The following BEND4 variants were observed in gnomAD, a reference collection of about 807,000 sequenced individuals.
BEND4 encodes the protein BEN domain containing 4.
A neutral mutation model predicts 54.7 loss-of-function variants in BEND4; 27 were observed. The observed-to-expected ratio is 0.49, with a 90% confidence interval of 0.36 to 0.68. BEND4 has a LOEUF of 0.68. Among genes scored for constraint, BEND4 ranks in the 30% least tolerant of loss-of-function variants. The pLI is 0.00. For missense variants in BEND4, 702 were observed against 697.2 expected (o/e 1.01, Z -0.08); for synonymous variants, 327 against 299.5 (o/e 1.09, Z -0.95).
Position 42,143,680 on chromosome 4 carries a change from A to T in BEND4, c.802T>A (p.Ser268Thr), listed in dbSNP as rs754276586. Reference protein sequence around the residue: ...LSGSFPTPNPSSASEYGHLAD... With the variant: ...LSGSFPTPNPTSASEYGHLAD... ...AGATGGCCATATTCACTGGCTGACG[A>T]GGGGTTTGGAGTTGGAAAGCTTCCC... Residue 268 changes from serine (S) to threonine (T), a missense_variant, in exon 3 of 6, where the codon TCG becomes ACG. By Grantham distance (58) the Ser-to-Thr change is moderately conservative. Transcript: ENST00000502486. 1.9e-6 allele frequency: 3 copies of T among 1,613,976 alleles called. No individual in the cohort carries two copies. The highest frequency in any genetic ancestry group is 2.5e-6 in the Non-Finnish European group (3 of 1,179,886).
intron 3 of BEND4, 42 bp from the exon 4 acceptor site, chr4:42,125,716 G>GGA: frequency 7.9e-7 from 1 of 1,267,832 alleles, no homozygotes; most frequent in Non-Finnish European, 1.1e-6. Flanking sequence ...TGGCTATCCC[G>GGA]TAACATGAAA....
intron 3 of BEND4, among the ~76,000 whole-genome samples, chr4:42,139,168 T>G (rs1720798895): frequency 6.6e-6 from 1 of 152,204 alleles, no homozygotes; most frequent in Admixed American, 6.5e-5. Context: ...GGTTTTTGCT[T>G]ATAAAATTTC....
intron 3 of BEND4, among the ~76,000 whole-genome samples, chr4:42,138,026 A>G (rs2153146615): frequency 6.6e-6 from 1 of 152,294 alleles, no homozygotes; most frequent in South Asian, 2.1e-4. Flanking sequence ...ATTATGGAAA[A>G]CAGTATTGGA....
chr4:42,126,667 A>G (rs1560577067), intron 3 of BEND4, among the ~76,000 whole-genome samples: 1 of 152,228 alleles, frequency 6.6e-6, no homozygotes, highest in Non-Finnish European at 1.5e-5. Flanking sequence ...CTACATCTGA[A>G]GATTTACATT....
chr4:42,146,557 A>G lies in BEND4; in HGVS notation c.488-2563T>C, dbSNP rs556324521. Reference sequence around the variant, plus strand: ...ATAAGAAAGCCAACAGCTGAACTATACAAGTAAGAGGTTTAAGATGCTACA... The same window carrying G: ...ATAAGAAAGCCAACAGCTGAACTATGCAAGTAAGAGGTTTAAGATGCTACA... On this transcript the variant is annotated intron_variant, in intron 2 of 5. Coordinates refer to ENST00000502486, the MANE Select transcript of BEND4 (RefSeq NM_207406.4). Among the ~76,000 whole-genome samples the G allele has an allele frequency of 1.5e-3, 230 of 152,214 alleles. 4 individuals are homozygous for G. The highest frequency in any genetic ancestry group is 5.4e-3 in the African/African-American group (222 of 41,494).
intron 4 of BEND4, among the ~76,000 whole-genome samples, chr4:42,125,309 C>T (rs1292154245): frequency 6.6e-6 from 1 of 152,190 alleles, no homozygotes; most frequent in African/African-American, 2.4e-5. Context: ...TCATTCCAGG[C>T]ATCTCTGTGC....
In BEND4 at chr4:42,151,684, C is replaced by A. The variant is rs1721291388; in HGVS notation, c.460G>T (p.Asp154Tyr). 2.7e-6 allele frequency: 4 copies of A among 1,505,482 alleles called. No homozygotes were observed. In the South Asian group the frequency reaches 5.0e-5, roughly 19 times the overall value. 93.3% of individuals were successfully genotyped at this position (1,505,482 alleles called of 1,614,324 possible). The change falls in exon 2 of 6, where the codon GAC (aspartate) becomes TAC (tyrosine). Residue 154 changes from aspartate (D) to tyrosine (Y), a missense_variant. Physicochemically the swap from Asp to Tyr is radical, Grantham distance 160. Coordinates refer to ENST00000502486, the MANE Select transcript of BEND4 (RefSeq NM_207406.4). ...AAAGTGGTGSDSASLELSAES... is the reference protein window; with the variant it reads ...AAAGTGGTGSYSASLELSAES... ...GCGCTGAGCTCCAGGCTGGCGCTGT[C>A]GCTACCCGTGCCGCCGGTGCCGGCG...
chr4:42,142,636 CAAAA>C (rs56802075), intron 3 of BEND4, among the ~76,000 whole-genome samples: 1 of 54,244 alleles, frequency 1.8e-5, no homozygotes. Context: ...GACTCCGTCT[CAAAA>C]AAAAAAAAAA....
chr4:42,117,686 C>G lies in BEND4; in HGVS notation c.1437G>C (p.Ser479=), dbSNP rs371099306. 1.2e-6 allele frequency: 2 copies of G among 1,609,824 alleles called. No individual in the cohort carries two copies. The highest frequency in any genetic ancestry group is 1.3e-5 in the African/African-American group (1 of 74,852). ...TGAACACTTTGTTTATCTGCTCTTC[C>G]GAGGGCATCCACCAATCGGGGTTGG... ...CTSNPDWWMP[S]EEQINKVFSD... Residue 479 remains serine, a synonymous_variant, in exon 6 of 6, where the codon TCG becomes TCC. Coordinates refer to ENST00000502486, the MANE Select transcript of BEND4 (RefSeq NM_207406.4).
chr4:42,151,955 C>T lies in BEND4; in HGVS notation c.189G>A (p.Ala63=). 8.0e-7 allele frequency: 1 copy of T among 1,246,740 alleles called. No individual in the cohort carries two copies. The highest frequency in any genetic ancestry group is 2.7e-4 in the Middle Eastern group (1 of 3,700). 77.2% of individuals were successfully genotyped at this position (1,246,740 alleles called of 1,614,324 possible). The part of the protein sequence containing the change: ...RAPPPPPPPF[A]PHAAVSISSS... ...TGCTGATGGAGACGGCGGCGTGCGG[C>T]GCGAAGGGCGGCGGGGGCGGCGGGG... The change falls in exon 2 of 6, where the codon GCG becomes GCA. Residue 63 remains alanine (A), a synonymous_variant. Transcript: ENST00000502486.
chr4:42,142,586 C>T (rs369029672), intron 3 of BEND4, among the ~76,000 whole-genome samples: 14 of 144,464 alleles, frequency 9.7e-5, no homozygotes, highest in African/African-American at 2.6e-4. Context: ...TGAGCCCACA[C>T]GGTGCCACTG....
chr4:42,133,933 T>C (rs969154137), intron 3 of BEND4, among the ~76,000 whole-genome samples: 5 of 152,232 alleles, frequency 3.3e-5, no homozygotes, highest in African/African-American at 4.8e-5. Context: ...ATAATACATG[T>C]AAAGCAATGG....
rs775414844 is a variant in BEND4, at chr4:42,143,647, C to T, written c.835G>A (p.Val279Met). The T allele has an allele frequency of 2.2e-5, 35 of 1,613,480 alleles. No individual in the cohort carries two copies. Among genetic ancestry groups the T allele is most frequent in the Middle Eastern group, 1.6e-4 (1 of 6,084 alleles). ...ACAGGAGAGGTTGACAGAGGATCCACGTCGGCCAGATGGCCATATTCACTG... is the reference window on the plus strand; with the variant it reads ...ACAGGAGAGGTTGACAGAGGATCCATGTCGGCCAGATGGCCATATTCACTG... ...SASEYGHLAD[V>M]DPLSTSPVHT... The change falls in exon 3 of 6, where the codon GTG (valine) becomes ATG (methionine). Residue 279 changes from valine (V) to methionine (M), a missense_variant. By Grantham distance (21) the Val-to-Met change is conservative. Coordinates refer to ENST00000502486, the MANE Select transcript of BEND4 (RefSeq NM_207406.4).
intron 3 of BEND4, among the ~76,000 whole-genome samples, chr4:42,141,144 C>A (rs1488022578): frequency 2.0e-5 from 3 of 152,046 alleles, no homozygotes; most frequent in African/African-American, 7.2e-5. Flanking sequence ...GCCTGCCTGG[C>A]GTGGGAAAAC....
At chr4:42,145,797 G>C (rs536352412) in intron 2 of BEND4, among the ~76,000 whole-genome samples, 3 of 152,020 alleles carry the variant, frequency 2.0e-5, no homozygotes, top group African/African-American at 7.3e-5. Flanking sequence ...CTGAAAAACT[G>C]CAAGTCAGAA....
At chr4:42,128,973 A>G (rs1239913295) in intron 3 of BEND4, among the ~76,000 whole-genome samples, 1 of 152,218 alleles carries the variant, frequency 6.6e-6, no homozygotes, top group Non-Finnish European at 1.5e-5. Flanking sequence ...TCAAATAGGA[A>G]GAGAGGAAGC....
Position 42,117,580 on chromosome 4 carries a change from C to T in BEND4, c.1543G>A (p.Asp515Asn), listed in dbSNP as rs564826071. 20 of 1,613,034 alleles carry T rather than the reference C, an allele frequency of 1.2e-5. No individual in the cohort carries two copies. Among genetic ancestry groups the T allele is most frequent in the Non-Finnish European group, 1.4e-5 (17 of 1,179,598 alleles). Residue 515 changes from aspartate to asparagine, a missense_variant, in exon 6 of 6, where the codon GAT becomes AAT. By Grantham distance (23) the Asp-to-Asn change is conservative (BLOSUM62 1). Coordinates refer to ENST00000502486, the MANE Select transcript of BEND4 (RefSeq NM_207406.4). ...ACTTCATCCTGAGAAGCCTGGTGAT[C>T]GATCCCTTCATAAAATGAGCCACCG... is the stretch of plus-strand genomic sequence containing the variant. ...HNGGSFYEGI[D>N]HQASQDEVFN...
rs1719863735 is a variant in BEND4 at position 42,116,997 on chromosome 4, CATT to C, written c.*518_*520del. The C allele has an allele frequency of 6.6e-6, 1 of 152,332 alleles. No individual in the cohort carries two copies. Among genetic ancestry groups the C allele is most frequent in the South Asian group, 2.1e-4 (1 of 4,824 alleles). 9.4% of individuals were successfully genotyped at this position (152,332 alleles called of 1,614,324 possible). A position where few individuals can be genotyped will look rare whatever the true frequency, so the allele number is the denominator to read the frequency against. On this transcript the variant is annotated 3_prime_UTR_variant, in exon 6 of 6. Coordinates refer to ENST00000502486, the MANE Select transcript of BEND4 (RefSeq NM_207406.4). ...TCTCTGGTTTCCTTTTAGTAATAGA[CATT>C]ATTAATGTCAAAATGGTATATGATG... is the stretch of plus-strand genomic sequence containing the variant.
intron 5 of BEND4, 64 bp downstream of exon 5, chr4:42,119,990 G>C: frequency 6.3e-7 from 1 of 1,597,908 alleles, no homozygotes; most frequent in Non-Finnish European, 8.6e-7. Flanking sequence ...TGTACGGGGA[G>C]AGCCACAGCC....
Sources: allele counts gnomAD v4.1 joint callset (sites outside exome capture counted in the v4.1 genomes callset), GRCh38; gene constraint gnomAD v4.1.1; transcripts MANE v1.5; gene names NCBI Gene and HGNC (gene_info 2026-07-23, HGNC 2026-07-21).